Variants in SDK2 observed in about 807,000 individuals in gnomAD.
SDK2 encodes the protein sidekick cell adhesion molecule 2.
SDK2 carries 105 observed loss-of-function variants against 253.9 expected under a neutral mutation model. The ratio of observed to expected loss-of-function variants is 0.41; its 90% CI spans 0.35 to 0.49. The LOEUF (loss-of-function observed/expected upper bound fraction) is 0.49, where lower values mean the gene tolerates loss of function less well. Among genes scored for constraint, SDK2 ranks in the 20% least tolerant of loss-of-function variants. The probability of loss-of-function intolerance (pLI) is 0.06; values close to 1 mark genes in which losing one functional copy is unlikely to be tolerated. For missense variants in SDK2, 2,608 were observed against 3,003.0 expected, an observed-to-expected ratio of 0.87 and a Z score of 3.07; for synonymous variants, 1,249 against 1,234.9, an observed-to-expected ratio of 1.01 and a Z score of -0.24.
At chr17:73,598,662 G>A in intron 1 of SDK2, among the ~76,000 whole-genome samples, 1 of 152,150 alleles carries the variant, frequency 6.6e-6, no homozygotes, top group Admixed American at 6.5e-5. Flanking sequence ...GTGGATCGCT[G>A]GCCTTTTTCT....
intron 1 of SDK2, among the ~76,000 whole-genome samples, chr17:73,640,708 T>C (rs1567889136): frequency 6.6e-6 from 1 of 152,350 alleles, no homozygotes; most frequent in East Asian, 1.9e-4. Context: ...CTCCCAGCAC[T>C]AAACTTTCTC....
At chr17:73,440,463 C>A (rs1246026136) in intron 6 of SDK2, among the ~76,000 whole-genome samples, 1 of 152,130 alleles carries the variant, frequency 6.6e-6, no homozygotes, top group East Asian at 1.9e-4. Flanking sequence ...CCTGCACAAC[C>A]CTGCATGCAA....
intron 1 of SDK2, among the ~76,000 whole-genome samples, chr17:73,583,740 G>A (rs2045567803): frequency 6.6e-6 from 1 of 152,192 alleles, no homozygotes; most frequent in Admixed American, 6.5e-5. Flanking sequence ...GTGGTGGGCT[G>A]GGGGCAGGGA....
intron 36 of SDK2, among the ~76,000 whole-genome samples, chr17:73,369,924 G>A (rs2062720811): frequency 6.6e-6 from 1 of 152,140 alleles, no homozygotes; most frequent in African/African-American, 2.4e-5. Flanking sequence ...GGTTACAGGC[G>A]CGAACCACCA....
intron 36 of SDK2, 35 bp from the exon 37 acceptor site, chr17:73,368,628 C>G: frequency 6.7e-7 from 1 of 1,497,614 alleles, no homozygotes; most frequent in Non-Finnish European, 9.0e-7. Flanking sequence ...GTGAGGGGGA[C>G]AGGGGCAATG....
intron 1 of SDK2, among the ~76,000 whole-genome samples, chr17:73,615,331 C>A (rs369227428): frequency 6.6e-6 from 1 of 152,232 alleles, no homozygotes; most frequent in East Asian, 1.9e-4. Flanking sequence ...GAGTCTAGAA[C>A]TGGGCCTCCT....
chr17:73,576,973 G>A (rs957720780), intron 1 of SDK2, among the ~76,000 whole-genome samples: 1 of 152,196 alleles, frequency 6.6e-6, no homozygotes, highest in African/African-American at 2.4e-5. Flanking sequence ...AACAGCAGAG[G>A]CTTCGGAGCG....
At chr17:73,566,292 T>G (rs1227938553) in intron 1 of SDK2, among the ~76,000 whole-genome samples, 5 of 150,438 alleles carry the variant, frequency 3.3e-5, no homozygotes, top group Non-Finnish European at 5.9e-5. Flanking sequence ...TCCAGAACTA[T>G]AAGCCAAATA....
intron 1 of SDK2, among the ~76,000 whole-genome samples, chr17:73,588,279 C>T (rs1200785435): frequency 2.8e-5 from 4 of 141,376 alleles, no homozygotes; most frequent in Admixed American, 7.4e-5. Flanking sequence ...CTCAGCTACT[C>T]GGGAGGGGGA....
chr17:73,446,123 G>A (rs1006583750), intron 5 of SDK2, among the ~76,000 whole-genome samples: 1 of 152,192 alleles, frequency 6.6e-6, no homozygotes, highest in Non-Finnish European at 1.5e-5. Flanking sequence ...AGGATGCCTG[G>A]CTTTGACTTG....
intron 1 of SDK2, among the ~76,000 whole-genome samples, chr17:73,544,389 G>A (rs557771943): frequency 2.0e-5 from 3 of 152,332 alleles, no homozygotes; most frequent in East Asian, 1.9e-4. Context: ...AGCTCCGTGA[G>A]GACAGGGACT....
chr17:73,505,475 A>C (rs1468329122), intron 2 of SDK2, among the ~76,000 whole-genome samples: 2 of 143,134 alleles, frequency 1.4e-5, no homozygotes, highest in Non-Finnish European at 3.1e-5. Context: ...CATCATTGTT[A>C]TTGTCATCAT....
At chr17:73,506,756 A>G (rs1599631837) in intron 2 of SDK2, among the ~76,000 whole-genome samples, 1 of 152,214 alleles carries the variant, frequency 6.6e-6, no homozygotes, top group East Asian at 1.9e-4. Flanking sequence ...GGCTGCGAGG[A>G]AAGGCTGGAG....
At chr17:73,613,602 C>T (rs12943521) in intron 1 of SDK2, among the ~76,000 whole-genome samples, 2 of 77,370 alleles carry the variant, frequency 2.6e-5, no homozygotes, top group African/African-American at 5.9e-5. Context: ...CCCACCCCCA[C>T]CCCCAGCCCC....
intron 1 of SDK2, among the ~76,000 whole-genome samples, chr17:73,562,153 T>A (rs922089488): frequency 6.6e-6 from 1 of 151,972 alleles, no homozygotes; most frequent in East Asian, 1.9e-4. Flanking sequence ...CATCTTAATA[T>A]AATATTTCAA....
rs546596198 is a variant in SDK2 at position 73,574,633 on chromosome 17, C to T, written c.65-67036G>A. Among the ~76,000 whole-genome samples, 3 of 152,284 alleles carry T rather than the reference C, an allele frequency of 2.0e-5. No individual in the cohort carries two copies. In the East Asian group the frequency reaches 5.8e-4, roughly 30 times the overall value. On this transcript the variant is annotated intron_variant, in intron 1 of 44. Coordinates refer to ENST00000392650, the MANE Select transcript of SDK2 (RefSeq NM_001144952.2). ...CAGGAGACAAGGTCCTCTGTGGGCA[C>T]ACCATCACCTCTACCTCCCCTTCGG...
chr17:73,458,814 G>A (rs2063545961), intron 3 of SDK2, among the ~76,000 whole-genome samples: 1 of 152,062 alleles, frequency 6.6e-6, no homozygotes, highest in Admixed American at 6.5e-5. Flanking sequence ...GACAACCCTG[G>A]CCAACATGGT....
At position 73,404,964 on chromosome 17, in the gene SDK2, C is replaced by T. The variant is rs1214908589; in HGVS notation, c.2485-2823G>A. 2.0e-5 allele frequency among the ~76,000 whole-genome samples: 3 copies of T among 151,796 alleles called. No individual in the cohort carries two copies. The East Asian group carries it at 6.0e-4, about 30-fold the overall frequency. The stretch of plus-strand genomic sequence containing the variant: ...AACCTGAACCCAGCTCTGTCACTTA[C>T]TGTGGGACTCACGGAAAGTCACTTG... On this transcript the variant is annotated intron_variant, in intron 18 of 44. Transcript: ENST00000392650.
chr17:73,357,584 A>G (rs2062602208), intron 40 of SDK2: 2 of 263,658 alleles, frequency 7.6e-6, no homozygotes, highest in Non-Finnish European at 1.5e-5. Context: ...CCCCCGACTG[A>G]CTTATCTGTC....
Sources: gnomAD v4.1 joint callset for allele counts (sites outside exome capture counted in the v4.1 genomes callset) on GRCh38, gnomAD v4.1.1 for gene constraint, MANE v1.5 for transcripts, NCBI Gene and HGNC (gene_info 2026-07-23, HGNC 2026-07-21) for gene names.